LZTS1: variants seen among roughly 807,000 people sequenced by gnomAD.
LZTS1 encodes the protein leucine zipper tumor suppressor 1.
LZTS1 carries 31 observed loss-of-function variants against 45.8 expected under a neutral mutation model. That is an observed-to-expected ratio of 0.68 (90% confidence interval 0.51 to 0.91). The LOEUF is 0.91. Among genes scored for constraint, LZTS1 ranks in the 40% least tolerant of loss-of-function variants. The pLI, the probability that LZTS1 is intolerant of heterozygous loss-of-function variation, is 0.00. For synonymous variants in LZTS1, 359 were observed against 357.3 expected (o/e 1.00, Z -0.05); for missense variants, 821 against 788.9 (o/e 1.04, Z -0.49).
rs138416620 is a variant in LZTS1, at chr8:20,284,983, G to A, written c.-135+18757C>T. ...AACTACTTCCTCATGGGGAGAACTC[G>A]GCCGAGCCTCTTTACTCTCTGAGCC... On this transcript the variant is annotated intron_variant, in intron 1 of 3. Coordinates refer to ENST00000381569, the MANE Select transcript of LZTS1 (RefSeq NM_021020.5). Among the ~76,000 whole-genome samples, 272 of 152,230 alleles carry A rather than the reference G, an allele frequency of 1.8e-3. 1 individual carries two copies. Among genetic ancestry groups the A allele is most frequent in the African/African-American group, 6.3e-3 (262 of 41,542 alleles).
In LZTS1 at chr8:20,254,664, C is replaced by T. The variant is rs993398763; in HGVS notation, c.345+173G>A. Reference sequence around the variant, plus strand: ...GCGATGCTCTAATTCCTTTGTGAAACGTTTGATCTCTGCGGTGTGGCCACA... The same window carrying T: ...GCGATGCTCTAATTCCTTTGTGAAATGTTTGATCTCTGCGGTGTGGCCACA... On this transcript the variant is annotated intron_variant, in intron 2 of 3. Coordinates refer to ENST00000381569, the MANE Select transcript of LZTS1 (RefSeq NM_021020.5). Among the ~76,000 whole-genome samples, 30 of 152,180 alleles carry T rather than the reference C, an allele frequency of 2.0e-4. 1 individual carries two copies. The South Asian group carries it at 2.7e-3, about 14-fold the overall frequency.
chr8:20,249,917 C>T lies in LZTS1; in HGVS notation c.1596G>A (p.Trp532Ter). 6.2e-7 allele frequency: 1 copy of T among 1,614,138 alleles called. No individual in the cohort carries two copies. The highest frequency in any genetic ancestry group is 8.5e-7 in the Non-Finnish European group (1 of 1,180,012). ...GAATCACCTTCTCCTTCTCCTCCTT[C>T]CACACGAGCCGCTCATGCTGGAAGC... ...SSGFQHERLV[W>*]KEEKEKVIQY... is the part of the protein sequence containing the mutation. The change falls in exon 4 of 4, where the codon TGG (tryptophan) becomes TGA (stop). Residue 532 changes from tryptophan (W) to a stop codon, truncating the protein, a stop_gained. Coordinates refer to ENST00000381569, the MANE Select transcript of LZTS1 (RefSeq NM_021020.5). LOFTEE classifies it high-confidence loss of function.
In LZTS1 at chr8:20,255,100, A is replaced by G; in HGVS notation, c.82T>C (p.Ser28Pro). ...CRASQYKLRK[S>P]SHLKKLNRYS... Reference sequence around the variant, plus strand: ...CGGTTGAGCTTCTTGAGGTGGGAGGACTTGCGCAGCTTGTACTGCGAAGCC... The same window carrying G: ...CGGTTGAGCTTCTTGAGGTGGGAGGGCTTGCGCAGCTTGTACTGCGAAGCC... Residue 28 changes from serine (S) to proline (P), a missense_variant, in exon 2 of 4, where the codon TCC becomes CCC. By Grantham distance (74) the Ser-to-Pro change is moderately conservative. Coordinates refer to ENST00000381569, the MANE Select transcript of LZTS1 (RefSeq NM_021020.5). The G allele has an allele frequency of 6.2e-7, 1 of 1,614,150 alleles. No individual in the cohort carries two copies.
At chr8:20,294,571 C>T (rs1027568567) in intron 1 of LZTS1, among the ~76,000 whole-genome samples, 1 of 152,208 alleles carries the variant, frequency 6.6e-6, no homozygotes, top group African/African-American at 2.4e-5. Context: ...GCCACGGAGG[C>T]GTTGGGGCTG....
chr8:20,286,724 C>T (rs563354633), intron 1 of LZTS1, among the ~76,000 whole-genome samples: 5 of 152,262 alleles, frequency 3.3e-5, no homozygotes, highest in South Asian at 2.1e-4. Context: ...TCAAAATATC[C>T]GGAGACCTAA....
chr8:20,253,716 A>G, intron 2 of LZTS1, 131 bp from the exon 3 acceptor site: 7 of 635,040 alleles, frequency 1.1e-5, no homozygotes, highest in South Asian at 5.9e-5. Context: ...CTCTTGGTCA[A>G]TTGTCTCAGC....
intron 3 of LZTS1, among the ~76,000 whole-genome samples, chr8:20,251,098 A>AATATATATATATATAT (rs527759585): frequency 2.7e-4 from 11 of 41,368 alleles, no homozygotes; most frequent in Non-Finnish European, 4.0e-4. Context: ...CCTGAGGGCT[A>AATATATATATATATAT]ATATATATAT....
At chr8:20,284,531 C>CT (rs913793833) in intron 1 of LZTS1, among the ~76,000 whole-genome samples, 52 of 151,136 alleles carry the variant, frequency 3.4e-4, no homozygotes, top group East Asian at 2.1e-3. Flanking sequence ...GCACATTTCA[C>CT]TTTTTTTTTA....
At chr8:20,290,875 G>A (rs1800889358) in intron 1 of LZTS1, among the ~76,000 whole-genome samples, 1 of 152,200 alleles carries the variant, frequency 6.6e-6, no homozygotes, top group Non-Finnish European at 1.5e-5. Flanking sequence ...TCCAGCCACT[G>A]CCCTTGGGGA....
intron 1 of LZTS1, among the ~76,000 whole-genome samples, chr8:20,297,173 C>G (rs1258367999): frequency 6.6e-6 from 1 of 152,128 alleles, no homozygotes; most frequent in Non-Finnish European, 1.5e-5. Flanking sequence ...CGTACTTGCT[C>G]ATGGACAAGG....
chr8:20,247,561 T>C lies in LZTS1; in HGVS notation c.*2161A>G, dbSNP rs1305996944. The C allele has an allele frequency of 6.5e-6, 1 of 152,770 alleles. No individual in the cohort carries two copies. The highest frequency in any genetic ancestry group is 6.5e-5 in the Admixed American group (1 of 15,288). The allele number at this position is 152,770 out of a possible 1,614,324, so 9.5% of individuals were successfully genotyped here. A position where few individuals can be genotyped will look rare whatever the true frequency, so the allele number is the denominator to read the frequency against. The stretch of plus-strand genomic sequence containing the variant: ...CAGGCAGGGAGGGACTTTTGGCTTG[T>C]AGATTCCAGGTTTAAGCCTAGCTTG... On this transcript the variant is annotated 3_prime_UTR_variant, in exon 4 of 4. Transcript: ENST00000381569.
rs572677388 is a variant in LZTS1 at position 20,271,883 on chromosome 8, G to A, written c.-134-16568C>T. Reference sequence around the variant, plus strand: ...AGGCGAGCCAGGTGAAAGCAGGGCCGGGGCCTGGCTTGATGTGCCTGGTGG... The same window carrying A: ...AGGCGAGCCAGGTGAAAGCAGGGCCAGGGCCTGGCTTGATGTGCCTGGTGG... On this transcript the variant is annotated intron_variant, in intron 1 of 3. Coordinates refer to ENST00000381569, the MANE Select transcript of LZTS1 (RefSeq NM_021020.5). Among the ~76,000 whole-genome samples the A allele has an allele frequency of 7.9e-5, 12 of 152,360 alleles. No homozygotes were observed. In the East Asian group the frequency reaches 1.5e-3, roughly 20 times the overall value.
At chr8:20,266,756 C>T (rs1329362157) in intron 1 of LZTS1, among the ~76,000 whole-genome samples, 2 of 152,226 alleles carry the variant, frequency 1.3e-5, no homozygotes, top group Non-Finnish European at 2.9e-5. Context: ...GCCAGTTTGT[C>T]TCTGCCCCTA....
chr8:20,258,112 T>A (rs1269397397), intron 1 of LZTS1, among the ~76,000 whole-genome samples: 2 of 152,152 alleles, frequency 1.3e-5, no homozygotes, highest in Non-Finnish European at 2.9e-5. Flanking sequence ...TAAGTTTAGA[T>A]CACACAATTT....
chr8:20,285,122 A>C (rs1036754906), intron 1 of LZTS1, among the ~76,000 whole-genome samples: 1 of 152,240 alleles, frequency 6.6e-6, no homozygotes, highest in Admixed American at 6.5e-5. Flanking sequence ...TCTAAAGTGC[A>C]GTACCAACAT....
At chr8:20,291,001 C>G (rs1438903614) in intron 1 of LZTS1, among the ~76,000 whole-genome samples, 1 of 152,232 alleles carries the variant, frequency 6.6e-6, no homozygotes, top group African/African-American at 2.4e-5. Flanking sequence ...ACCTTCTCCC[C>G]TCAGCTCCTC....
At chr8:20,276,239 A>G (rs1800579087) in intron 1 of LZTS1, among the ~76,000 whole-genome samples, 1 of 98,900 alleles carries the variant, frequency 1.0e-5, no homozygotes, top group Non-Finnish European at 2.0e-5. Flanking sequence ...TAGAGTCTCC[A>G]GAGTGATTTT....
chr8:20,280,140 C>G (rs1336899878), intron 1 of LZTS1, among the ~76,000 whole-genome samples: 1 of 152,072 alleles, frequency 6.6e-6, no homozygotes, highest in Non-Finnish European at 1.5e-5. Context: ...CCCTTAGGTA[C>G]CACCCCAACC....
chr8:20,265,171 C>T lies in LZTS1; in HGVS notation c.-134-9856G>A, dbSNP rs573349018. 2.0e-5 allele frequency among the ~76,000 whole-genome samples: 3 copies of T among 152,290 alleles called. No individual in the cohort carries two copies. The East Asian group carries it at 5.8e-4, about 30-fold the overall frequency. On this transcript the variant is annotated intron_variant, in intron 1 of 3. Coordinates refer to ENST00000381569, the MANE Select transcript of LZTS1 (RefSeq NM_021020.5). Reference sequence around the variant, plus strand: ...TCTGCCTGTAGCTCTCTCCTTCCCACTGGGGCGGCATCACCAGCCCAGGGT... The same window carrying T: ...TCTGCCTGTAGCTCTCTCCTTCCCATTGGGGCGGCATCACCAGCCCAGGGT...
Sources: gnomAD v4.1 joint callset for allele counts (sites outside exome capture counted in the v4.1 genomes callset) on GRCh38, gnomAD v4.1.1 for gene constraint, MANE v1.5 for transcripts, NCBI Gene and HGNC (gene_info 2026-07-23, HGNC 2026-07-21) for gene names.